Variants in CDH13 observed in about 807,000 individuals in gnomAD.
CDH13 encodes the protein cadherin-13.
CDH13 carries 24 observed loss-of-function variants against 63.8 expected under a neutral mutation model. The ratio of observed to expected loss-of-function variants is 0.38; its 90% CI spans 0.27 to 0.53. The LOEUF is 0.53. Among genes scored for constraint, CDH13 ranks in the 20% least tolerant of loss-of-function variants. CDH13 has a pLI of 0.85. For missense variants in CDH13, 1,049 were observed against 903.1 expected, an observed-to-expected ratio of 1.16 and a Z score of -2.07; for synonymous variants, 503 against 355.3, an observed-to-expected ratio of 1.42 and a Z score of -4.67.
intron 5 of CDH13, among the ~76,000 whole-genome samples, chr16:83,242,272 G>A (rs1231873847): frequency 1.3e-5 from 2 of 152,172 alleles, no homozygotes; most frequent in Non-Finnish European, 2.9e-5. Flanking sequence ...AGGACTCCAG[G>A]ACTAAGAGAT....
chr16:83,609,907 G>C (rs954594033), intron 8 of CDH13, among the ~76,000 whole-genome samples: 2 of 151,720 alleles, frequency 1.3e-5, no homozygotes, highest in African/African-American at 4.9e-5. Flanking sequence ...GGCCACCACT[G>C]ATCTACTGTC....
At chr16:83,162,863 A>C (rs1241955976) in intron 4 of CDH13, among the ~76,000 whole-genome samples, 1 of 152,080 alleles carries the variant, frequency 6.6e-6, no homozygotes, top group Non-Finnish European at 1.5e-5. Context: ...GGGACTGTTG[A>C]GATGCCTAAA....
chr16:83,114,576 T>C lies in CDH13; in HGVS notation c.367-10809T>C, dbSNP rs1597362451. On this transcript the variant is annotated intron_variant, in intron 3 of 13. Transcript: ENST00000567109. ...ATAATTTCTATATCACCACATTTTA[T>C]TATCAGCATAATTCTATACAGTAAA... Among the ~76,000 whole-genome samples the C allele has an allele frequency of 2.0e-5, 3 of 152,350 alleles. No individual in the cohort carries two copies. In the East Asian group the frequency reaches 5.8e-4, roughly 29 times the overall value.
chr16:82,926,881 G>A (rs565297279), intron 2 of CDH13, among the ~76,000 whole-genome samples: 1 of 152,270 alleles, frequency 6.6e-6, no homozygotes, highest in South Asian at 2.1e-4. Flanking sequence ...GGTTATAATT[G>A]TATAAGAAAC....
intron 6 of CDH13, among the ~76,000 whole-genome samples, chr16:83,366,637 T>C (rs773084740): frequency 2.6e-4 from 40 of 152,132 alleles, no homozygotes; most frequent in Non-Finnish European, 4.9e-4. Context: ...CTTTTCGATA[T>C]TCTCCAGATA....
intron 5 of CDH13, 129 bp from the exon 6 acceptor site, chr16:83,344,733 G>T (rs2151363903): frequency 1.1e-6 from 1 of 940,554 alleles, no homozygotes; most frequent in Non-Finnish European, 1.6e-6. Flanking sequence ...TATCCTCTGA[G>T]ACCAAAATTT....
intron 3 of CDH13, among the ~76,000 whole-genome samples, chr16:83,067,407 C>G (rs2032101335): frequency 6.6e-6 from 1 of 152,128 alleles, no homozygotes. Context: ...TGGGAACCAT[C>G]CATAGTTGGT....
intron 8 of CDH13, among the ~76,000 whole-genome samples, chr16:83,661,395 A>T (rs913572167): frequency 1.3e-5 from 2 of 151,912 alleles, no homozygotes. Flanking sequence ...AGGCACAAGG[A>T]TCACTTGCAC....
chr16:82,797,552 G>T (rs1809586517), intron 1 of CDH13, among the ~76,000 whole-genome samples: 1 of 152,088 alleles, frequency 6.6e-6, no homozygotes, highest in Non-Finnish European at 1.5e-5. Context: ...ATTACATCTA[G>T]TTACCATACC....
chr16:83,043,973 A>T (rs1288910104), intron 3 of CDH13, among the ~76,000 whole-genome samples: 1 of 152,236 alleles, frequency 6.6e-6, no homozygotes, highest in Admixed American at 6.5e-5. Flanking sequence ...TAAGTACTTA[A>T]TAAGCACAAG....
intron 3 of CDH13, among the ~76,000 whole-genome samples, chr16:83,071,461 A>C (rs1227989587): frequency 6.6e-6 from 1 of 152,120 alleles, no homozygotes; most frequent in African/African-American, 2.4e-5. Flanking sequence ...GAGCTCCTCC[A>C]AGCCTTGGTT....
chr16:82,711,586 T>C (rs1241290440), intron 1 of CDH13, among the ~76,000 whole-genome samples: 2 of 152,208 alleles, frequency 1.3e-5, no homozygotes, highest in Non-Finnish European at 2.9e-5. Context: ...TACCTTCTTA[T>C]TGCACAGACA....
intron 7 of CDH13, among the ~76,000 whole-genome samples, chr16:83,570,764 T>C (rs2150704993): frequency 7.0e-6 from 1 of 143,428 alleles, no homozygotes; most frequent in African/African-American, 2.5e-5. Context: ...TATATATTTA[T>C]ATATATGAAT....
At chr16:82,850,968 C>T (rs964614137) in intron 1 of CDH13, among the ~76,000 whole-genome samples, 2 of 152,190 alleles carry the variant, frequency 1.3e-5, no homozygotes, top group African/African-American at 4.8e-5. Flanking sequence ...CCAAAAAGTT[C>T]ATGTGACTCA....
At chr16:83,178,676 A>C (rs999945735) in intron 4 of CDH13, among the ~76,000 whole-genome samples, 26 of 152,224 alleles carry the variant, frequency 1.7e-4, no homozygotes, top group African/African-American at 5.8e-4. Flanking sequence ...CTCTGTGTTC[A>C]TGAATAACGC....
intron 1 of CDH13, among the ~76,000 whole-genome samples, chr16:82,727,104 G>A (rs1054196866): frequency 6.6e-6 from 1 of 152,152 alleles, no homozygotes; most frequent in Non-Finnish European, 1.5e-5. Flanking sequence ...GGCGGTGGTG[G>A]GGTTACAAGA....
At chr16:82,911,628 AG>A (rs1357373156) in intron 2 of CDH13, among the ~76,000 whole-genome samples, 2 of 152,212 alleles carry the variant, frequency 1.3e-5, no homozygotes, top group African/African-American at 2.4e-5. Context: ...ACAGATAATA[AG>A]GGGTTCTGAA....
intron 7 of CDH13, among the ~76,000 whole-genome samples, chr16:83,495,177 C>G (rs779222114): frequency 3.9e-5 from 6 of 152,090 alleles, no homozygotes; most frequent in South Asian, 2.1e-4. Flanking sequence ...AACATATGCC[C>G]AAGGTGGTCG....
chr16:83,667,047 A>C (rs1914040988), intron 8 of CDH13, among the ~76,000 whole-genome samples: 1 of 151,022 alleles, frequency 6.6e-6, no homozygotes, highest in Non-Finnish European at 1.5e-5. Flanking sequence ...GGATGAATGG[A>C]AGGATGGATG....
Sources: gnomAD v4.1 joint callset for allele counts (sites outside exome capture counted in the v4.1 genomes callset) on GRCh38, gnomAD v4.1.1 for gene constraint, MANE v1.5 for transcripts, NCBI Gene and HGNC (gene_info 2026-07-23, HGNC 2026-07-21) for gene names.